FAM3D: variants seen among roughly 807,000 people sequenced by gnomAD.
The protein encoded by FAM3D is FAM3 metabolism regulating signaling molecule D.
Under a neutral mutation model 29.8 loss-of-function variants are expected in FAM3D, and 26 were observed. That is an observed-to-expected ratio of 0.87 (90% confidence interval 0.64 to 1.21). FAM3D has a LOEUF of 1.21. Ranked by LOEUF, FAM3D falls within the 50% of genes most tolerant of loss-of-function variation. The probability of loss-of-function intolerance (pLI) is 0.00; values close to 1 mark genes in which losing one functional copy is unlikely to be tolerated. For synonymous variants in FAM3D, 115 were observed against 102.3 expected, an observed-to-expected ratio of 1.12 and a Z score of -0.75; for missense variants, 253 against 290.9, an observed-to-expected ratio of 0.87 and a Z score of 0.95.
chr3:58,664,469 A>G (rs138043957), intron 1 of FAM3D, among the ~76,000 whole-genome samples: 29 of 152,388 alleles, frequency 1.9e-4, no homozygotes, highest in African/African-American at 6.0e-4. Context: ...GAAGGTGCAC[A>G]GCTTGGACAA....
intron 1 of FAM3D, among the ~76,000 whole-genome samples, chr3:58,662,401 T>C (rs1429322280): frequency 2.0e-5 from 3 of 152,226 alleles, no homozygotes; most frequent in South Asian, 4.1e-4. Flanking sequence ...GATCAGGAGA[T>C]CTCACTGAAG....
At chr3:58,655,328 C>A (rs2066762129) in intron 2 of FAM3D, among the ~76,000 whole-genome samples, 2 of 152,192 alleles carry the variant, frequency 1.3e-5, no homozygotes, top group South Asian at 4.1e-4. Context: ...TGGGCAGTCT[C>A]AATGATCCCA....
intron 4 of FAM3D, among the ~76,000 whole-genome samples, chr3:58,647,301 G>T (rs2106821694): frequency 6.6e-6 from 1 of 152,346 alleles, no homozygotes; most frequent in Admixed American, 6.5e-5. Context: ...GGGGAGAGAG[G>T]GCCGGGCTGG....
At chr3:58,640,062 T>C in intron 7 of FAM3D, 65 bp downstream of exon 7, 1 of 1,571,972 alleles carries the variant, frequency 6.4e-7, no homozygotes, top group Non-Finnish European at 8.8e-7. Flanking sequence ...CCTTGCCACA[T>C]GAAGAGGCTC....
rs564969796 is a variant in FAM3D at position 58,649,382 on chromosome 3, C to T, written c.122-44G>A. Reference sequence around the variant, plus strand: ...CTGGTTAGAGGAAAAGCACTTCGGACCCTCCTGCAGGATGGAGGTTGGGGG... The same window carrying T: ...CTGGTTAGAGGAAAAGCACTTCGGATCCTCCTGCAGGATGGAGGTTGGGGG... On this transcript the variant is annotated intron_variant, in intron 3 of 9. Coordinates refer to ENST00000358781, the MANE Select transcript of FAM3D (RefSeq NM_138805.3). 2.3e-5 allele frequency: 37 copies of T among 1,613,312 alleles called. No individual in the cohort carries two copies. The Middle Eastern group carries it at 5.0e-4, about 22-fold the overall frequency.
chr3:58,642,719 T>C (rs1193292027), intron 6 of FAM3D, among the ~76,000 whole-genome samples: 1 of 152,130 alleles, frequency 6.6e-6, no homozygotes, highest in African/African-American at 2.4e-5. Context: ...TGGATTCCCT[T>C]GTGGTCTCCC....
intron 3 of FAM3D, 37 bp from the exon 4 acceptor site, chr3:58,649,375 C>T: frequency 6.2e-7 from 1 of 1,613,396 alleles, no homozygotes; most frequent in Non-Finnish European, 8.5e-7. Context: ...AGGAAAAGCA[C>T]TTCGGACCCT....
intron 3 of FAM3D, among the ~76,000 whole-genome samples, chr3:58,650,352 A>G (rs1452800572): frequency 6.6e-6 from 1 of 152,168 alleles, no homozygotes; most frequent in East Asian, 1.9e-4. Context: ...TTCTCTGGAG[A>G]CAGAGCCCTT....
At chr3:58,642,792 C>T (rs1054727996) in intron 6 of FAM3D, among the ~76,000 whole-genome samples, 2 of 152,290 alleles carry the variant, frequency 1.3e-5, no homozygotes, top group South Asian at 4.1e-4. Context: ...TGGCCCCTCA[C>T]ACACTGCTCA....
At chr3:58,646,273 CG>C (rs1559500764) in intron 4 of FAM3D, among the ~76,000 whole-genome samples, 1 of 152,224 alleles carries the variant, frequency 6.6e-6, no homozygotes, top group Non-Finnish European at 1.5e-5. Context: ...AACAGGCAGA[CG>C]GTTCCGGTTC....
intron 7 of FAM3D, among the ~76,000 whole-genome samples, chr3:58,638,397 G>A (rs893223024): frequency 1.3e-5 from 2 of 152,210 alleles, no homozygotes; most frequent in African/African-American, 4.8e-5. Flanking sequence ...CAGCCTAGTG[G>A]CTAAAGCAGA....
rs779246623 is a variant in FAM3D at position 58,643,728 on chromosome 3, C to A, written c.264-8G>T. On this transcript the variant is annotated splice_polypyrimidine_tract_variant and splice_region_variant and intron_variant, in intron 5 of 9. Transcript: ENST00000358781. ...TTCACAGGACTCATGATCCTGAAGA[C>A]AATGAAGAAGAAATATGACAGTCGG... 3.1e-5 allele frequency: 50 copies of A among 1,613,738 alleles called. No homozygotes were observed. The highest frequency in any genetic ancestry group is 3.9e-5 in the Non-Finnish European group (46 of 1,179,882).
At chr3:58,641,132 T>G (rs953351445) in intron 6 of FAM3D, among the ~76,000 whole-genome samples, 1 of 152,228 alleles carries the variant, frequency 6.6e-6, no homozygotes, top group Admixed American at 6.5e-5. Flanking sequence ...TAGCAATCCT[T>G]GTGTTGTTCT....
In FAM3D at chr3:58,642,061, C is replaced by T. The variant is rs554303174; in HGVS notation, c.322+1601G>A. ...CTGGGGTCTGGCATGCACAAAAGAGCGCTCTGAGACCAGCCTGGGCACACC... is the reference window on the plus strand; with the variant it reads ...CTGGGGTCTGGCATGCACAAAAGAGTGCTCTGAGACCAGCCTGGGCACACC... On this transcript the variant is annotated intron_variant, in intron 6 of 9. Coordinates refer to ENST00000358781, the MANE Select transcript of FAM3D (RefSeq NM_138805.3). 7.2e-5 allele frequency among the ~76,000 whole-genome samples: 11 copies of T among 152,270 alleles called. No homozygotes were observed. In the South Asian group the frequency reaches 1.5e-3, roughly 20 times the overall value.
At chr3:58,664,858 T>C (rs1575497055) in intron 1 of FAM3D, among the ~76,000 whole-genome samples, 1 of 152,256 alleles carries the variant, frequency 6.6e-6, no homozygotes, top group East Asian at 1.9e-4. Flanking sequence ...GCAGGCTGGG[T>C]GGGGGCTGCC....
intron 6 of FAM3D, among the ~76,000 whole-genome samples, chr3:58,643,408 G>C (rs2066388203): frequency 6.6e-6 from 1 of 152,258 alleles, no homozygotes; most frequent in African/African-American, 2.4e-5. Context: ...TTTCACTCAT[G>C]TTCCATAGGA....
chr3:58,634,985 G>C lies in FAM3D; in HGVS notation c.586-617C>G, dbSNP rs1043772674. ...GAGGCCAGGAGTTCAAGACCAGCCT[G>C]GGCAACATGGGAGACCCTGTCTCTA... On this transcript the variant is annotated intron_variant, in intron 9 of 9. Coordinates refer to ENST00000358781, the MANE Select transcript of FAM3D (RefSeq NM_138805.3). The surrounding 1 kb of genome is among the most constrained non-coding windows in gnomAD (Gnocchi z 4.6). Among the ~76,000 whole-genome samples, 1 of 152,134 alleles carries C rather than the reference G, an allele frequency of 6.6e-6. No individual in the cohort carries two copies. Among genetic ancestry groups the C allele is most frequent in the East Asian group, 1.9e-4 (1 of 5,188 alleles).
chr3:58,638,085 T>C (rs2066226705), intron 7 of FAM3D, among the ~76,000 whole-genome samples: 1 of 152,250 alleles, frequency 6.6e-6, no homozygotes, highest in Non-Finnish European at 1.5e-5. Flanking sequence ...AGTTTCTCCA[T>C]GTTGGTCAGG....
chr3:58,637,976 C>G (rs1462907810), intron 7 of FAM3D, among the ~76,000 whole-genome samples: 1 of 152,134 alleles, frequency 6.6e-6, no homozygotes, highest in Admixed American at 6.5e-5. Flanking sequence ...CCTCCACCTC[C>G]TGGGTTCAAG....
Sources: allele counts gnomAD v4.1 joint callset (sites outside exome capture counted in the v4.1 genomes callset), GRCh38; gene constraint gnomAD v4.1.1; non-coding constraint Gnocchi (gnomAD v3.1); transcripts MANE v1.5; gene names NCBI Gene and HGNC (gene_info 2026-07-23, HGNC 2026-07-21).